The following KLHL1 variants were observed in gnomAD, a reference collection of about 807,000 sequenced individuals.
The protein encoded by KLHL1 is kelch-like protein 1.
KLHL1 carries 47 observed loss-of-function variants against 77.7 expected under a neutral mutation model. The observed-to-expected ratio is 0.60, with a 90% CI of 0.48 to 0.77. KLHL1 has a LOEUF of 0.77. KLHL1 is among the 30% of genes least tolerant of loss of function. The pLI, the probability that KLHL1 is intolerant of heterozygous loss-of-function variation, is 0.00. For missense variants in KLHL1, 925 were observed against 910.8 expected, an observed-to-expected ratio of 1.02 and a Z score of -0.20; for synonymous variants, 360 against 325.2, an observed-to-expected ratio of 1.11 and a Z score of -1.15.
chr13:69,905,122 A>G (rs1882004126), intron 4 of KLHL1, among the ~76,000 whole-genome samples: 1 of 152,130 alleles, frequency 6.6e-6, no homozygotes, highest in Non-Finnish European at 1.5e-5. Context: ...GGTTGGTTCA[A>G]TTCCAAGGTT....
At position 69,934,962 on chromosome 13, in the gene KLHL1, G is replaced by GTATATATATATATATATATA. The variant is rs67195697; in HGVS notation, c.1014+5058_1014+5077dup. Among the ~76,000 whole-genome samples, 914 of 129,506 alleles carry GTATATATATATATATATATA rather than the reference G, an allele frequency of 7.1e-3. 14 individuals are homozygous for GTATATATATATATATATATA. The highest frequency in any genetic ancestry group is 0.022 in the East Asian group (83 of 3,716). The allele number at this position is 129,506 out of a possible 152,430, so 85.0% of individuals were successfully genotyped here. ...AAATTTACCGTGTGTGTGTGCATGT[G>GTATATATATATATATATATA]TATATATATATATATATATATATAT... On this transcript the variant is annotated intron_variant, in intron 4 of 10. Transcript: ENST00000377844.
chr13:69,903,522 G>A (rs1881942294), intron 4 of KLHL1, among the ~76,000 whole-genome samples: 1 of 145,950 alleles, frequency 6.9e-6, no homozygotes, highest in Non-Finnish European at 1.5e-5. Flanking sequence ...TAGTTCTCTA[G>A]AAAGCACTTT....
intron 1 of KLHL1, among the ~76,000 whole-genome samples, chr13:70,093,868 A>G (rs560689148): frequency 1.6e-4 from 24 of 152,308 alleles, no homozygotes; most frequent in Admixed American, 4.6e-4. Flanking sequence ...CTGTCTTATT[A>G]TACACTTTAT....
intron 1 of KLHL1, among the ~76,000 whole-genome samples, chr13:70,024,166 C>G (rs933013900): frequency 6.6e-6 from 1 of 151,770 alleles, no homozygotes; most frequent in Non-Finnish European, 1.5e-5. Flanking sequence ...TTTCTCAAAA[C>G]CTTGAACCAA....
intron 4 of KLHL1, among the ~76,000 whole-genome samples, chr13:69,886,291 C>T (rs751113468): frequency 5.9e-5 from 9 of 151,858 alleles, no homozygotes; most frequent in African/African-American, 9.7e-5. Flanking sequence ...CTATTTACTA[C>T]GACTACTTCA....
In KLHL1 at chr13:69,927,854, G is replaced by C. The variant is rs116983815; in HGVS notation, c.1014+12186C>G. 6.2e-3 allele frequency among the ~76,000 whole-genome samples: 948 copies of C among 152,238 alleles called. 7 individuals carry two copies. Among genetic ancestry groups the C allele is most frequent in the Non-Finnish European group, 0.011 (737 of 68,004 alleles). ...GTAGTTTCTCAGAATGTTAAACATG[G>C]AGTTATTGTATAACCATATCACTCC... On this transcript the variant is annotated intron_variant, in intron 4 of 10. Transcript: ENST00000377844.
At position 69,940,030 on chromosome 13, in the gene KLHL1, G is replaced by A; in HGVS notation, c.1014+10C>T. 2 of 1,582,168 alleles carry A rather than the reference G, an allele frequency of 1.3e-6. No homozygotes were observed. Among genetic ancestry groups the A allele is most frequent in the Admixed American group, 3.6e-5 (2 of 55,774 alleles). ...TGTGTCTCCATTATTAAAACATTAAGTTTCCTTACCATTGTGTAGCTGTGG... is the reference window on the plus strand; with the variant it reads ...TGTGTCTCCATTATTAAAACATTAAATTTCCTTACCATTGTGTAGCTGTGG... On this transcript the variant is annotated intron_variant, in intron 4 of 10. Transcript: ENST00000377844.
At chr13:69,905,850 A>T (rs1882030508) in intron 4 of KLHL1, among the ~76,000 whole-genome samples, 1 of 152,086 alleles carries the variant, frequency 6.6e-6, no homozygotes, top group Non-Finnish European at 1.5e-5. Context: ...CTTGTCTAAA[A>T]TAATCACGAT....
chr13:70,031,121 AAAAC>A lies in KLHL1; in HGVS notation c.498-55323_498-55320del, dbSNP rs1555292034. Among the ~76,000 whole-genome samples the A allele has an allele frequency of 1.7e-4, 26 of 152,036 alleles. 1 individual carries two copies. The highest frequency in any genetic ancestry group is 5.6e-4 in the African/African-American group (23 of 41,400). On this transcript the variant is annotated intron_variant, in intron 1 of 10. Transcript: ENST00000377844. The stretch of plus-strand genomic sequence containing the variant: ...TAATTAATAGCCTGCCAACCAAAAA[AAAAC>A]CCAGATGTTAGCTTTATCCAATAAA...
chr13:69,988,376 T>C (rs1340514903), intron 1 of KLHL1, among the ~76,000 whole-genome samples: 1 of 152,140 alleles, frequency 6.6e-6, no homozygotes, highest in Non-Finnish European at 1.5e-5. Context: ...GTTTGGCATT[T>C]AGGTTGATTC....
chr13:69,989,445 G>C (rs1884967932), intron 1 of KLHL1, among the ~76,000 whole-genome samples: 1 of 151,866 alleles, frequency 6.6e-6, no homozygotes, highest in African/African-American at 2.4e-5. Flanking sequence ...TGAGTATTCA[G>C]GCTCCTTGGT....
chr13:70,051,009 T>C (rs554157153), intron 1 of KLHL1, among the ~76,000 whole-genome samples: 1 of 151,972 alleles, frequency 6.6e-6, no homozygotes, highest in African/African-American at 2.4e-5. Context: ...TAGAAGGAGG[T>C]CATTTGGGCT....
chr13:70,001,581 GTCTA>G (rs71116971), intron 1 of KLHL1, among the ~76,000 whole-genome samples: 21,990 of 146,608 alleles, frequency 0.15, 1,742 homozygotes, highest in Admixed American at 0.2. Context: ...TGATCTATGT[GTCTA>G]TCTATCTATC....
chr13:70,042,306 GGT>G (rs1161401066), intron 1 of KLHL1, among the ~76,000 whole-genome samples: 2 of 151,846 alleles, frequency 1.3e-5, no homozygotes, highest in South Asian at 2.1e-4. Context: ...TGCTTGTGTG[GGT>G]GTGTGTGTGT....
intron 8 of KLHL1, among the ~76,000 whole-genome samples, chr13:69,722,083 T>A (rs1172421590): frequency 6.6e-6 from 1 of 152,064 alleles, no homozygotes; most frequent in African/African-American, 2.4e-5. Context: ...GGACTTTACT[T>A]ATGGGCATCT....
chr13:69,789,851 T>C (rs557627567), intron 7 of KLHL1, among the ~76,000 whole-genome samples: 1 of 152,262 alleles, frequency 6.6e-6, no homozygotes, highest in South Asian at 2.1e-4. Flanking sequence ...TGTATTTGTT[T>C]TGCATTGTCA....
chr13:69,948,108 A>G (rs1254697874), intron 3 of KLHL1, among the ~76,000 whole-genome samples: 1 of 152,092 alleles, frequency 6.6e-6, no homozygotes, highest in Non-Finnish European at 1.5e-5. Context: ...AAAAAAATGA[A>G]ATGTTTATAA....
chr13:69,871,214 G>A (rs1327019713), intron 5 of KLHL1, among the ~76,000 whole-genome samples: 1 of 152,040 alleles, frequency 6.6e-6, no homozygotes, highest in Non-Finnish European at 1.5e-5. Context: ...CAGTACCCAG[G>A]GTCCTTTAAA....
Position 70,090,136 on chromosome 13 carries a change from T to C in KLHL1, c.497+17067A>G, listed in dbSNP as rs1036891171. 2.6e-5 allele frequency among the ~76,000 whole-genome samples: 4 copies of C among 152,080 alleles called. No individual in the cohort carries two copies. The East Asian group carries it at 5.8e-4, about 22-fold the overall frequency. On this transcript the variant is annotated intron_variant, in intron 1 of 10. Coordinates refer to ENST00000377844, the MANE Select transcript of KLHL1 (RefSeq NM_020866.3). ...TTACTGAATGCATTCTTGAAATAAG[T>C]CTATTTATATGTTGGAGTTTCAAAA...
Sources: allele counts gnomAD v4.1 joint callset (sites outside exome capture counted in the v4.1 genomes callset), GRCh38; gene constraint gnomAD v4.1.1; transcripts MANE v1.5; gene names NCBI Gene and HGNC (gene_info 2026-07-23, HGNC 2026-07-21).